Variants in CCNI observed in about 807,000 individuals in gnomAD.
The protein encoded by CCNI is cyclin-I.
CCNI carries 14 observed loss-of-function variants against 34.1 expected under a neutral mutation model. The observed-to-expected ratio is 0.41, with a 90% confidence interval of 0.27 to 0.64. The LOEUF (loss-of-function observed/expected upper bound fraction) is 0.64. Ranked by LOEUF, CCNI falls within the 30% of genes least tolerant of loss-of-function variation. The pLI, the probability that CCNI is intolerant of heterozygous loss-of-function variation, is 0.31. For missense variants in CCNI, 385 were observed against 440.5 expected (o/e 0.87, Z 1.13); for synonymous variants, 154 against 158.4 (o/e 0.97, Z 0.21).
chr4:77,058,766 T>G, intron 2 of CCNI, 131 bp from the exon 3 acceptor site: 1 of 703,070 alleles, frequency 1.4e-6, no homozygotes, highest in Non-Finnish European at 2.3e-6. Context: ...TTATTCAAAA[T>G]CTATCAGACT....
chr4:77,057,772 C>A (rs1728338056), intron 3 of CCNI, among the ~76,000 whole-genome samples: 1 of 152,118 alleles, frequency 6.6e-6, no homozygotes, highest in Non-Finnish European at 1.5e-5. Flanking sequence ...CCAAAGTAAG[C>A]CCGTAGAAAG....
chr4:77,054,230 A>G (rs539987052), intron 6 of CCNI, among the ~76,000 whole-genome samples: 4 of 152,334 alleles, frequency 2.6e-5, no homozygotes, highest in Admixed American at 2.6e-4. Flanking sequence ...TTTCTTTTAT[A>G]ATAATCTAAA....
At position 77,075,538 on chromosome 4, in the gene CCNI, G is replaced by A. The variant is rs1038475113; in HGVS notation, c.-110C>T. ...TGTAGGCCTCACAGTGGTGACGCGG[G>A]GTCATCCGGGGGCCCGTTACCACCT... On this transcript the variant is annotated 5_prime_UTR_variant, in exon 1 of 7. Coordinates refer to ENST00000237654, the MANE Select transcript of CCNI (RefSeq NM_006835.3). 5 of 988,452 alleles carry A rather than the reference G, an allele frequency of 5.1e-6. No individual in the cohort carries two copies. The highest frequency in any genetic ancestry group is 6.0e-6 in the Non-Finnish European group (5 of 830,700). The allele number at this position is 988,452 out of a possible 1,614,324, so 61.2% of individuals were successfully genotyped here.
intron 1 of CCNI, among the ~76,000 whole-genome samples, chr4:77,071,325 T>G (rs750403219): frequency 2.6e-5 from 4 of 152,130 alleles, no homozygotes; most frequent in African/African-American, 9.7e-5. Context: ...AAAATGAAGA[T>G]ATACCAAAAC....
At position 77,055,142 on chromosome 4, in the gene CCNI, A is replaced by T. The variant is rs1356863782; in HGVS notation, c.690+8T>A. 1.3e-6 allele frequency: 2 copies of T among 1,571,372 alleles called. No individual in the cohort carries two copies. Among genetic ancestry groups the T allele is most frequent in the African/African-American group, 2.7e-5 (2 of 73,994 alleles). ...AAAAGAACACTATTTAATTAGACTG[A>T]CACCTACCTGTGCTTTCTGAAGCAG... On this transcript the variant is annotated splice_region_variant and intron_variant, in intron 6 of 6. Coordinates refer to ENST00000237654, the MANE Select transcript of CCNI (RefSeq NM_006835.3).
intron 2 of CCNI, among the ~76,000 whole-genome samples, chr4:77,060,126 T>C (rs1481072773): frequency 6.6e-6 from 1 of 151,766 alleles, no homozygotes; most frequent in Non-Finnish European, 1.5e-5. Flanking sequence ...GAATGACAGA[T>C]TACATTAAAT....
At chr4:77,049,834 C>T (rs770577143) in intron 6 of CCNI, among the ~76,000 whole-genome samples, 8 of 152,150 alleles carry the variant, frequency 5.3e-5, no homozygotes, top group Admixed American at 2.0e-4. Context: ...AAGTTTCTGG[C>T]ACAATGACTG....
rs756926753 is a variant in CCNI, at chr4:77,075,539, G to A, written c.-111C>T. 3.0e-6 allele frequency: 3 copies of A among 988,456 alleles called. No individual in the cohort carries two copies. The highest frequency in any genetic ancestry group is 3.6e-6 in the Non-Finnish European group (3 of 830,708). 61.2% of individuals were successfully genotyped at this position (988,456 alleles called of 1,614,324 possible). The stretch of plus-strand genomic sequence containing the variant: ...GTAGGCCTCACAGTGGTGACGCGGG[G>A]TCATCCGGGGGCCCGTTACCACCTC... On this transcript the variant is annotated 5_prime_UTR_variant, in exon 1 of 7. Coordinates refer to ENST00000237654, the MANE Select transcript of CCNI (RefSeq NM_006835.3).
intron 1 of CCNI, among the ~76,000 whole-genome samples, chr4:77,068,649 G>C (rs558129106): frequency 6.6e-6 from 1 of 152,070 alleles, no homozygotes; most frequent in Non-Finnish European, 1.5e-5. Flanking sequence ...CTATGTACCT[G>C]TAAACTATGT....
At chr4:77,049,358 G>A (rs1023057363) in intron 6 of CCNI, among the ~76,000 whole-genome samples, 2 of 151,960 alleles carry the variant, frequency 1.3e-5, no homozygotes, top group African/African-American at 2.4e-5. Context: ...TAAATGCCAC[G>A]GTCATCTGTT....
chr4:77,074,260 G>A (rs1729723691), intron 1 of CCNI, among the ~76,000 whole-genome samples: 1 of 152,168 alleles, frequency 6.6e-6, no homozygotes, highest in African/African-American at 2.4e-5. Flanking sequence ...CATGCTGACT[G>A]TATTAGTCTG....
chr4:77,049,546 C>G (rs540894976), intron 6 of CCNI, among the ~76,000 whole-genome samples: 49 of 152,168 alleles, frequency 3.2e-4, no homozygotes, highest in African/African-American at 1.2e-3. Context: ...GACATGGTGG[C>G]AGATGCCTGT....
intron 1 of CCNI, among the ~76,000 whole-genome samples, chr4:77,068,283 A>T (rs976728449): frequency 6.6e-6 from 1 of 152,346 alleles, no homozygotes; most frequent in Admixed American, 6.5e-5. Flanking sequence ...AGAATTTAAG[A>T]AAGTAATGTA....
intron 1 of CCNI, among the ~76,000 whole-genome samples, chr4:77,069,441 A>ATT (rs199670468): frequency 6.9e-6 from 1 of 145,964 alleles, no homozygotes; most frequent in African/African-American, 2.7e-5. Context: ...ATATATATAT[A>ATT]TTTTTTTTAT....
At chr4:77,072,452 CAAAAAA>C (rs11327592) in intron 1 of CCNI, among the ~76,000 whole-genome samples, 909 of 62,256 alleles carry the variant, frequency 0.015, 17 homozygotes, top group African/African-American at 0.052. Flanking sequence ...CTGTCTCCAC[CAAAAAA>C]AAAAAAAAAA....
At chr4:77,056,923 CAT>C (rs1728283113) in intron 3 of CCNI, among the ~76,000 whole-genome samples, 1 of 152,054 alleles carries the variant, frequency 6.6e-6, no homozygotes, top group Admixed American at 6.6e-5. Flanking sequence ...CAATCCTAGC[CAT>C]ATGATATTCT....
intron 2 of CCNI, among the ~76,000 whole-genome samples, chr4:77,060,276 T>C (rs1007514694): frequency 2.0e-5 from 3 of 152,242 alleles, no homozygotes; most frequent in African/African-American, 7.2e-5. Flanking sequence ...ACATAACTAA[T>C]GTAAAGCATA....
intron 1 of CCNI, among the ~76,000 whole-genome samples, chr4:77,072,059 T>C (rs1729506531): frequency 2.0e-5 from 3 of 152,106 alleles, no homozygotes; most frequent in African/African-American, 4.8e-5. Context: ...CAGACATCAC[T>C]AGAAAACTAC....
At chr4:77,052,804 C>G (rs1343088496) in intron 6 of CCNI, among the ~76,000 whole-genome samples, 1 of 152,164 alleles carries the variant, frequency 6.6e-6, no homozygotes, top group Non-Finnish European at 1.5e-5. Context: ...TACCTGAACA[C>G]AGCAAACTTA....
Sources: gnomAD v4.1 joint callset for allele counts (sites outside exome capture counted in the v4.1 genomes callset) on GRCh38, gnomAD v4.1.1 for gene constraint, MANE v1.5 for transcripts, NCBI Gene and HGNC (gene_info 2026-07-23, HGNC 2026-07-21) for gene names.